The following ZNF709 variants were observed in gnomAD, a reference collection of about 807,000 sequenced individuals.
ZNF709 encodes the protein zinc finger protein 709.
In ZNF709, 15 loss-of-function variants were observed where a neutral mutation model predicts 10.6. The observed-to-expected ratio is 1.41, with a 90% CI of 0.95 to 2.18. The LOEUF (loss-of-function observed/expected upper bound fraction) is 2.18, where lower values mean the gene tolerates loss of function less well. ZNF709 is among the 30% of genes most tolerant of loss of function. ZNF709 has a pLI of 0.00. For synonymous variants in ZNF709, 194 were observed against 238.8 expected, an observed-to-expected ratio of 0.81 and a Z score of 1.73; for missense variants, 589 against 774.0, an observed-to-expected ratio of 0.76 and a Z score of 2.84.
At position 12,462,936 on chromosome 19, in the gene ZNF709, T is replaced by G. The variant is rs1194225731; in HGVS notation, c.*1060A>C. 1 of 152,210 alleles carries G rather than the reference T, an allele frequency of 6.6e-6. No individual in the cohort carries two copies. The highest frequency in any genetic ancestry group is 1.5e-5 in the Non-Finnish European group (1 of 68,028). The allele number at this position is 152,210 out of a possible 1,614,324, so 9.4% of individuals were successfully genotyped here. Reference sequence around the variant, plus strand: ...CTGTATAAGAGCTTACAGAATTATCTCATCTCAGTGTTCTTTTGTGAAAGT... The same window carrying G: ...CTGTATAAGAGCTTACAGAATTATCGCATCTCAGTGTTCTTTTGTGAAAGT... On this transcript the variant is annotated 3_prime_UTR_variant, in exon 4 of 4. Transcript: ENST00000397732.
rs2144981840 is a variant in ZNF709, at chr19:12,462,538, C to CA, written c.*1457dup. The CA allele has an allele frequency of 6.6e-6, 1 of 152,012 alleles. No individual in the cohort carries two copies. Among genetic ancestry groups the CA allele is most frequent in the Admixed American group, 6.5e-5 (1 of 15,286 alleles). The allele number at this position is 152,012 out of a possible 1,614,324, so 9.4% of individuals were successfully genotyped here. A position where few individuals can be genotyped will look rare whatever the true frequency, so the allele number is the denominator to read the frequency against. The stretch of plus-strand genomic sequence containing the variant: ...AAACAGAAGATGAAAATAATAATTC[C>CA]AATGAGAGAGTATACTGTATGATAA... On this transcript the variant is annotated 3_prime_UTR_variant, in exon 4 of 4. Coordinates refer to ENST00000397732, the MANE Select transcript of ZNF709 (RefSeq NM_152601.4).
At chr19:12,479,972 G>T (rs555838847) in intron 1 of ZNF709, among the ~76,000 whole-genome samples, 1 of 152,084 alleles carries the variant, frequency 6.6e-6, no homozygotes, top group East Asian at 1.9e-4. Context: ...AGACCAATCT[G>T]GTCAAGAGAG....
intron 1 of ZNF709, among the ~76,000 whole-genome samples, chr19:12,481,485 C>T (rs945673244): frequency 1.3e-5 from 2 of 152,200 alleles, no homozygotes; most frequent in Admixed American, 6.5e-5. Flanking sequence ...AGTGATCCTT[C>T]TGCCTCAGCC....
intron 1 of ZNF709, among the ~76,000 whole-genome samples, chr19:12,468,005 G>A (rs1168816884): frequency 7.4e-5 from 11 of 149,276 alleles, no homozygotes; most frequent in South Asian, 4.3e-4. Context: ...ACGGCCAGCC[G>A]CCCCGTCCGG....
At chr19:12,480,683 A>C (rs1398437661) in intron 1 of ZNF709, among the ~76,000 whole-genome samples, 1 of 48,728 alleles carries the variant, frequency 2.1e-5, no homozygotes, top group Non-Finnish European at 7.2e-5. Flanking sequence ...ACTCCGTCTC[A>C]AAAAAAAAAA....
At chr19:12,469,816 C>A (rs1970620187) in intron 1 of ZNF709, among the ~76,000 whole-genome samples, 1 of 152,060 alleles carries the variant, frequency 6.6e-6, no homozygotes, top group Admixed American at 6.6e-5. Flanking sequence ...TCATGAGCCT[C>A]AGGACTGCGA....
intron 1 of ZNF709, among the ~76,000 whole-genome samples, chr19:12,467,340 G>A (rs537707254): frequency 2.1e-3 from 313 of 152,314 alleles, no homozygotes; most frequent in Non-Finnish European, 3.5e-3. Context: ...ACGGGGTTTC[G>A]CTGTGTTGGC....
Position 12,464,199 on chromosome 19 carries a change from CAGAACT to C in ZNF709, c.1717_1722del (p.Ser573_Ser574del). 2 of 1,559,840 alleles carry C rather than the reference CAGAACT, an allele frequency of 1.3e-6. No homozygotes were observed. Among genetic ancestry groups the C allele is most frequent in the Non-Finnish European group, 1.7e-6 (2 of 1,157,190 alleles). On this transcript the variant is annotated inframe_deletion, in exon 4 of 4. Coordinates refer to ENST00000397732, the MANE Select transcript of ZNF709 (RefSeq NM_152601.4). Reference sequence around the variant, plus strand: ...GTGTGAGTCCTTTCATGCATTCGAACAGAACTAGAACAACTGAAGGCCTTACCACAT... The same window carrying C: ...GTGTGAGTCCTTTCATGCATTCGAACAGAACAACTGAAGGCCTTACCACAT...
intron 1 of ZNF709, among the ~76,000 whole-genome samples, chr19:12,475,709 T>C (rs753523548): frequency 1.5e-4 from 23 of 152,088 alleles, no homozygotes; most frequent in Non-Finnish European, 2.9e-5. Flanking sequence ...GTGTAACTAA[T>C]GAGAGGAGAG....
chr19:12,478,840 C>T (rs2145005921), intron 1 of ZNF709, among the ~76,000 whole-genome samples: 1 of 152,210 alleles, frequency 6.6e-6, no homozygotes, highest in East Asian at 1.9e-4. Context: ...TTCAGCTTGC[C>T]CAGGTGTGCA....
chr19:12,471,455 A>G (rs1970634167), intron 1 of ZNF709, among the ~76,000 whole-genome samples: 1 of 152,222 alleles, frequency 6.6e-6, no homozygotes, highest in Admixed American at 6.5e-5. Flanking sequence ...ACAAATCCCT[A>G]AAATAGTCAA....
chr19:12,482,919 G>A (rs1163257651), intron 1 of ZNF709, among the ~76,000 whole-genome samples: 1 of 152,112 alleles, frequency 6.6e-6, no homozygotes, highest in Non-Finnish European at 1.5e-5. Context: ...CTCCAGTCAA[G>A]TGACCTGGAC....
chr19:12,471,683 GC>G (rs1970635638), intron 1 of ZNF709, among the ~76,000 whole-genome samples: 1 of 152,136 alleles, frequency 6.6e-6, no homozygotes, highest in Non-Finnish European at 1.5e-5. Context: ...TAATGATAGA[GC>G]AACCATTGTA....
chr19:12,483,307 A>AC (rs1970745095), intron 1 of ZNF709, among the ~76,000 whole-genome samples: 1 of 95,232 alleles, frequency 1.1e-5, no homozygotes, highest in Non-Finnish European at 2.3e-5. Flanking sequence ...CGCCCAGCTA[A>AC]TTTTTTTTTT....
In ZNF709 at chr19:12,466,480, T is replaced by G. The variant is rs867788993; in HGVS notation, c.170A>C (p.Asn57Thr). Residue 57 changes from asparagine (N) to threonine (T), a missense_variant, in exon 3 of 4, where the codon AAT (asparagine) becomes ACT (threonine). This residue lies in a region of ZNF709 where 418 missense variants were observed against 496.3 expected (regional missense o/e 0.84). Transcript: ENST00000397732. ...AACTCACCTTAGCTTTCTCCCCTGA[T>G]TTTTGTGATCTTCAATGTTCTTCTC... Reference protein sequence around the residue: ...WEEKNIEDHKNQGRKLRSHMV... With the variant: ...WEEKNIEDHKTQGRKLRSHMV... 1.2e-6 allele frequency: 2 copies of G among 1,614,096 alleles called. No homozygotes were observed. The highest frequency in any genetic ancestry group is 1.7e-6 in the Non-Finnish European group (2 of 1,180,002).
rs76046094 is a variant in ZNF709 at position 12,478,501 on chromosome 19, G to C, written c.3+6154C>G. ...TGGCCATCAGGCAACAGAGCAGGTA[G>C]CAATTCAGTGCAAGAGAAGACAGAC... On this transcript the variant is annotated intron_variant, in intron 1 of 3. Transcript: ENST00000397732. 1.4e-3 allele frequency among the ~76,000 whole-genome samples: 208 copies of C among 152,334 alleles called. 1 individual carries two copies. Among genetic ancestry groups the C allele is most frequent in the Non-Finnish European group, 1.7e-3 (118 of 68,034 alleles).
rs772008229 is a variant in ZNF709, at chr19:12,464,824, G to C, written c.1098C>G (p.Cys366Trp). 1.2e-6 allele frequency: 2 copies of C among 1,612,590 alleles called. No homozygotes were observed. Among genetic ancestry groups the C allele is most frequent in the Admixed American group, 3.3e-5 (2 of 59,760 alleles). The change falls in exon 4 of 4, where the codon TGC becomes TGG. Residue 366 changes from cysteine (C) to tryptophan (W), a missense_variant. Cys to Trp is a radical substitution (Grantham distance 215). Transcript: ENST00000397732. ...AATCAAAGGCTTTCCCACATTCCTTGCATTTATAAGGTCCATTTCCAGTGT... is the reference window on the plus strand; with the variant it reads ...AATCAAAGGCTTTCCCACATTCCTTCCATTTATAAGGTCCATTTCCAGTGT... Reference protein sequence around the residue: ...IMHTGNGPYKCKECGKAFDCP... With the variant: ...IMHTGNGPYKWKECGKAFDCP...
intron 1 of ZNF709, among the ~76,000 whole-genome samples, chr19:12,470,919 T>TCATG: frequency 6.9e-6 from 1 of 144,294 alleles, no homozygotes. Context: ...AGAGCGAGAC[T>TCATG]CCACCTCAAA....
rs756199986 is a variant in ZNF709, at chr19:12,484,776, A to G, written c.-119T>C. 2.3e-4 allele frequency: 311 copies of G among 1,354,160 alleles called. 1 individual carries two copies. Among genetic ancestry groups the G allele is most frequent in the Non-Finnish European group, 2.9e-4 (287 of 973,478 alleles). 83.9% of individuals were successfully genotyped at this position (1,354,160 alleles called of 1,614,324 possible). Reference sequence around the variant, plus strand: ...GCCTTCTGGGGTGAGGAGACCCCAGAGCGGAGCGCAGCGGCTGGTAGCCAC... The same window carrying G: ...GCCTTCTGGGGTGAGGAGACCCCAGGGCGGAGCGCAGCGGCTGGTAGCCAC... On this transcript the variant is annotated 5_prime_UTR_variant, in exon 1 of 4. Transcript: ENST00000397732.
Sources: gnomAD v4.1 joint callset for allele counts (sites outside exome capture counted in the v4.1 genomes callset) on GRCh38, gnomAD v4.1.1 for gene constraint, gnomAD v4.1.1 regional missense constraint, MANE v1.5 for transcripts, NCBI Gene and HGNC (gene_info 2026-07-23, HGNC 2026-07-21) for gene names.